BCAR3: variants seen among roughly 807,000 people sequenced by gnomAD.
BCAR3 encodes the protein BCAR3 adaptor protein, NSP family member, also known as breast cancer anti-estrogen resistance protein 3.
A neutral mutation model predicts 80.1 loss-of-function variants in BCAR3; 37 were observed. The observed-to-expected ratio is 0.46, with a 90% CI of 0.36 to 0.61. The LOEUF is 0.61. Ranked by LOEUF, BCAR3 falls within the 20% of genes least tolerant of loss-of-function variation. The pLI is 0.00. For synonymous variants in BCAR3, 389 were observed against 418.9 expected (o/e 0.93, Z 0.87); for missense variants, 978 against 1,068.2 (o/e 0.92, Z 1.18).
At chr1:93,695,049 C>A (rs1557657262) in intron 3 of BCAR3, among the ~76,000 whole-genome samples, 1 of 152,240 alleles carries the variant, frequency 6.6e-6, no homozygotes, top group Non-Finnish European at 1.5e-5. Context: ...CCCTCGCCCT[C>A]CCACATTCCT....
intron 7 of BCAR3, among the ~76,000 whole-genome samples, chr1:93,578,365 A>G (rs1027160173): frequency 7.2e-5 from 11 of 152,178 alleles, no homozygotes; most frequent in African/African-American, 2.4e-4. Context: ...AAGGCAAGAA[A>G]CTGGTATGAG....
intron 3 of BCAR3, among the ~76,000 whole-genome samples, chr1:93,692,957 T>C (rs1341533797): frequency 6.6e-6 from 1 of 152,180 alleles, no homozygotes; most frequent in Non-Finnish European, 1.5e-5. Context: ...CAGTCAAGCC[T>C]CTACATACAC....
rs112860326 is a variant in BCAR3 at position 93,642,439 on chromosome 1, G to C, written c.318-96C>G. On this transcript the variant is annotated intron_variant, in intron 2 of 11. Coordinates refer to ENST00000260502, the MANE Select transcript of BCAR3 (RefSeq NM_003567.4). ...AACATTATTTCACCCTATTCACTAA[G>C]TTACTAAGCTGGGCCCCATCTCCCA... 1,169 of 1,244,048 alleles carry C rather than the reference G, an allele frequency of 9.4e-4. 14 individuals carry two copies. The African/African-American group carries it at 0.016, about 17-fold the overall frequency. The allele number at this position is 1,244,048 out of a possible 1,614,324, so 77.1% of individuals were successfully genotyped here. A position where few individuals can be genotyped will look rare whatever the true frequency, so the allele number is the denominator to read the frequency against.
At position 93,592,170 on chromosome 1, in the gene BCAR3, G is replaced by T. The variant is rs894649725; in HGVS notation, c.486+95C>A. 2.6e-6 allele frequency: 4 copies of T among 1,542,288 alleles called. No individual in the cohort carries two copies. Among genetic ancestry groups the T allele is most frequent in the Admixed American group, 1.9e-5 (1 of 51,804 alleles). On this transcript the variant is annotated intron_variant, in intron 4 of 11. Transcript: ENST00000260502. The surrounding 1 kb of genome is among the most constrained non-coding windows in gnomAD (Gnocchi z 4.8). Reference sequence around the variant, plus strand: ...TGTTTTTGGTTACACAGGTGCTTCCGCCCATGTGGCCTCGGAGTGGGACCC... The same window carrying T: ...TGTTTTTGGTTACACAGGTGCTTCCTCCCATGTGGCCTCGGAGTGGGACCC...
intron 6 of BCAR3, 30 bp downstream of exon 6, chr1:93,583,988 C>G: frequency 6.3e-7 from 1 of 1,596,850 alleles, no homozygotes; most frequent in South Asian, 1.1e-5. Context: ...GTAACACTGA[C>G]GTTCTCCCTG....
intron 2 of BCAR3, among the ~76,000 whole-genome samples, chr1:93,741,260 A>AC (rs2100696382): frequency 6.6e-6 from 1 of 152,296 alleles, no homozygotes; most frequent in African/African-American, 2.4e-5. Flanking sequence ...CTTGGGGAAA[A>AC]CATGCTGAAT....
intron 2 of BCAR3, among the ~76,000 whole-genome samples, chr1:93,722,191 G>A (rs993614918): frequency 4.6e-5 from 7 of 152,148 alleles, no homozygotes; most frequent in South Asian, 4.1e-4. Flanking sequence ...CCTGGCTCCC[G>A]GTACCGGATC....
chr1:93,824,869 G>GT (rs1370145141), intron 2 of BCAR3, among the ~76,000 whole-genome samples: 2 of 134,056 alleles, frequency 1.5e-5, no homozygotes, highest in African/African-American at 5.0e-5. Context: ...ACTTTGTTCT[G>GT]TGTGCCCAGG....
Position 93,796,427 on chromosome 1 carries a change from G to A in BCAR3, c.-63+49140C>T, listed in dbSNP as rs572317946. On this transcript the variant is annotated intron_variant, in intron 2 of 13. Transcript: ENST00000370244. ...GGGAGTGACCTGATTTTCCAGGTGC[G>A]TCCGTCACCCCTTTCTTTGACTCGG... Among the ~76,000 whole-genome samples the A allele has an allele frequency of 8.0e-4, 118 of 147,214 alleles. 7 individuals are homozygous for A. The highest frequency in any genetic ancestry group is 2.4e-3 in the African/African-American group (92 of 37,834).
At chr1:93,733,251 G>C (rs1650856222) in intron 2 of BCAR3, among the ~76,000 whole-genome samples, 1 of 152,162 alleles carries the variant, frequency 6.6e-6, no homozygotes, top group African/African-American at 2.4e-5. Flanking sequence ...CAAGTTCCCT[G>C]GAAGTACAGA....
chr1:93,589,447 T>C, intron 4 of BCAR3, 28 bp from the exon 5 acceptor site: 1 of 1,575,300 alleles, frequency 6.3e-7, no homozygotes, highest in Non-Finnish European at 8.6e-7. Context: ...GAGTGAGGAG[T>C]AGGAAAGGCA....
At position 93,674,778 on chromosome 1, in the gene BCAR3, A is replaced by T. The variant is rs1254381509; in HGVS notation, c.153T>A (p.Leu51=). The T allele has an allele frequency of 1.9e-6, 3 of 1,612,776 alleles. No individual in the cohort carries two copies. The South Asian group carries it at 3.3e-5, about 18-fold the overall frequency. The change falls in exon 2 of 12, where the codon CTT becomes CTA. Residue 51 remains leucine (L), a synonymous_variant. Transcript: ENST00000260502. ...GAGGAGGACCTTTTTTCTTCCGTGG[A>T]AGGGTGCCATGTATAGACACATCTT... ...AYQDVSIHGT[L]PRKKKGPPPI... is the part of the protein sequence containing the mutation.
chr1:93,847,968 A>G, upstream of BCAR3: 1 of 224,042 alleles, frequency 4.5e-6, no homozygotes, highest in South Asian at 5.6e-5. Flanking sequence ...TTCGGCCTAA[A>G]GGAAAGTGCA....
chr1:93,646,754 T>C (rs971209139), intron 2 of BCAR3, among the ~76,000 whole-genome samples: 3 of 152,158 alleles, frequency 2.0e-5, no homozygotes, highest in African/African-American at 7.2e-5. Flanking sequence ...ATTGTTGGCT[T>C]AATGAAAATA....
intron 2 of BCAR3, among the ~76,000 whole-genome samples, chr1:93,843,988 G>C (rs752091420): frequency 6.6e-6 from 1 of 151,886 alleles, no homozygotes; most frequent in Non-Finnish European, 1.5e-5. Context: ...CAGAGCTTCT[G>C]GGAAGGCCGA....
Position 93,582,668 on chromosome 1 carries a change from C to A in BCAR3, c.1319G>T (p.Cys440Phe), listed in dbSNP as rs1424417728. ...TGAGGGTAGCTTTGCTCCCCTGCCGCAGCCTGTGGCAAACGCTGGGTTCAG... is the reference window on the plus strand; with the variant it reads ...TGAGGGTAGCTTTGCTCCCCTGCCGAAGCCTGTGGCAAACGCTGGGTTCAG... ...CELNPAFATGCGRGAKLPSCA... is the reference protein window; with the variant it reads ...CELNPAFATGFGRGAKLPSCA... Residue 440 changes from cysteine to phenylalanine, a missense_variant, in exon 7 of 12, where the codon TGC becomes TTC. Cys to Phe is a radical substitution (Grantham distance 205). Coordinates refer to ENST00000260502, the MANE Select transcript of BCAR3 (RefSeq NM_003567.4). The A allele has an allele frequency of 7.4e-6, 12 of 1,613,988 alleles. No homozygotes were observed. The highest frequency in any genetic ancestry group is 1.3e-5 in the African/African-American group (1 of 74,902).
At chr1:93,595,822 T>C (rs554915078) in intron 3 of BCAR3, among the ~76,000 whole-genome samples, 1 of 152,346 alleles carries the variant, frequency 6.6e-6, no homozygotes, top group South Asian at 2.1e-4. Context: ...AGAAATGAGA[T>C]TCCTGCTTCA....
chr1:93,719,334 GTTTTTTT>G (rs1217381018), intron 2 of BCAR3, among the ~76,000 whole-genome samples: 2 of 73,206 alleles, frequency 2.7e-5, no homozygotes, highest in Non-Finnish European at 4.7e-5. Flanking sequence ...AAACTTTCTT[GTTTTTTT>G]TTTTTTTTTT....
At chr1:93,633,905 G>A (rs951964238) in intron 3 of BCAR3, among the ~76,000 whole-genome samples, 11 of 152,164 alleles carry the variant, frequency 7.2e-5, no homozygotes, top group South Asian at 4.2e-4. Flanking sequence ...CCCAAAGGGC[G>A]TGAGCCACCA....
Sources: allele counts gnomAD v4.1 joint callset (sites outside exome capture counted in the v4.1 genomes callset), GRCh38; gene constraint gnomAD v4.1.1; non-coding constraint Gnocchi (gnomAD v3.1); transcripts MANE v1.5; gene names NCBI Gene and HGNC (gene_info 2026-07-23, HGNC 2026-07-21).